The following EIF2AK4 variants were observed in gnomAD, a reference collection of about 807,000 sequenced individuals.
EIF2AK4 encodes eIF-2-alpha kinase GCN2.
Under a neutral mutation model 211.1 loss-of-function variants are expected in EIF2AK4, and 139 were observed. The ratio of observed to expected loss-of-function variants is 0.66; its 90% CI spans 0.57 to 0.76. The LOEUF (loss-of-function observed/expected upper bound fraction) is 0.76. EIF2AK4 is among the 30% of genes least tolerant of loss of function. The pLI is 0.00. For missense variants in EIF2AK4, 1,664 were observed against 2,043.8 expected (o/e 0.81, Z 3.58); for synonymous variants, 710 against 751.3 (o/e 0.94, Z 0.90).
rs1455570578 is a variant in EIF2AK4, at chr15:39,934,182, G to A, written c.-14G>A. 1 of 1,505,828 alleles carries A rather than the reference G, an allele frequency of 6.6e-7. No individual in the cohort carries two copies. The highest frequency in any genetic ancestry group is 1.2e-5 in the South Asian group (1 of 80,732). 93.3% of individuals were successfully genotyped at this position (1,505,828 alleles called of 1,614,324 possible). ...GCCCAGGCAAGGCCGCCCTGCCTTGGGCGCAGCGCTGCCATGGCTGGGGGC... is the reference window on the plus strand; with the variant it reads ...GCCCAGGCAAGGCCGCCCTGCCTTGAGCGCAGCGCTGCCATGGCTGGGGGC... On this transcript the variant is annotated 5_prime_UTR_variant, in exon 1 of 39. Coordinates refer to ENST00000263791, the MANE Select transcript of EIF2AK4 (RefSeq NM_001013703.4).
At chr15:40,006,669 T>TA (rs2035165727) in intron 23 of EIF2AK4, among the ~76,000 whole-genome samples, 2 of 152,078 alleles carry the variant, frequency 1.3e-5, no homozygotes, top group East Asian at 3.9e-4. Flanking sequence ...GACATTTTTT[T>TA]TAAATTCATA....
intron 15 of EIF2AK4, among the ~76,000 whole-genome samples, chr15:39,989,161 T>C (rs2034908577): frequency 6.6e-6 from 1 of 152,216 alleles, no homozygotes; most frequent in Non-Finnish European, 1.5e-5. Flanking sequence ...GCTTGTCGCA[T>C]GTCTAAAATG....
chr15:40,026,381 CAGG>C (rs1485316913), intron 33 of EIF2AK4, among the ~76,000 whole-genome samples: 1 of 152,102 alleles, frequency 6.6e-6, no homozygotes, highest in African/African-American at 2.4e-5. Context: ...TGCTTGAGCC[CAGG>C]AGGTCAAGGC....
chr15:40,016,962 G>T, intron 28 of EIF2AK4, 146 bp from the exon 29 acceptor site: 1 of 1,108,478 alleles, frequency 9.0e-7, no homozygotes. Flanking sequence ...TGGTTAAACA[G>T]ACTTTGAGCT....
intron 7 of EIF2AK4, among the ~76,000 whole-genome samples, chr15:39,964,847 G>A (rs1442608648): frequency 6.6e-6 from 1 of 152,096 alleles, no homozygotes; most frequent in Admixed American, 6.6e-5. Flanking sequence ...GTCATCTCTT[G>A]TTCTTTCCTT....
intron 9 of EIF2AK4, among the ~76,000 whole-genome samples, chr15:39,971,018 C>A (rs893418835): frequency 6.6e-6 from 1 of 152,148 alleles, no homozygotes; most frequent in African/African-American, 2.4e-5. Flanking sequence ...GAACTCACAA[C>A]GACAGTTGAT....
chr15:39,945,675 T>C (rs2034218029), intron 3 of EIF2AK4, among the ~76,000 whole-genome samples: 1 of 152,230 alleles, frequency 6.6e-6, no homozygotes, highest in African/African-American at 2.4e-5. Flanking sequence ...AGGTGCCATC[T>C]AGAATTTTCA....
chr15:39,970,548 C>T (rs2034609116), intron 9 of EIF2AK4, among the ~76,000 whole-genome samples: 1 of 152,054 alleles, frequency 6.6e-6, no homozygotes, highest in African/African-American at 2.4e-5. Context: ...TCTTTAAGTA[C>T]TGGCTTAGAA....
intron 6 of EIF2AK4, among the ~76,000 whole-genome samples, chr15:39,956,696 G>A (rs1009678184): frequency 1.3e-5 from 2 of 152,170 alleles, no homozygotes; most frequent in African/African-American, 4.8e-5. Flanking sequence ...AGGAATTTTG[G>A]TGAAGAAACC....
chr15:39,997,576 G>A lies in EIF2AK4; in HGVS notation c.2868+511G>A, dbSNP rs149413768. On this transcript the variant is annotated intron_variant, in intron 19 of 38. Coordinates refer to ENST00000263791, the MANE Select transcript of EIF2AK4 (RefSeq NM_001013703.4). The stretch of plus-strand genomic sequence containing the variant: ...AAGGGAGTAGATTGTAAAGAAATGG[G>A]TATTTAGTTCTAGAAGTTAAAGATG... Among the ~76,000 whole-genome samples, 42 of 152,326 alleles carry A rather than the reference G, an allele frequency of 2.8e-4. 2 individuals are homozygous for A. The highest frequency in any genetic ancestry group is 8.2e-4 in the African/African-American group (34 of 41,572).
In EIF2AK4 at chr15:39,976,394, T is replaced by C; in HGVS notation, c.1819-20T>C. On this transcript the variant is annotated intron_variant, in intron 11 of 38. Coordinates refer to ENST00000263791, the MANE Select transcript of EIF2AK4 (RefSeq NM_001013703.4). ...TGTGCAAGGCTCCGAGCGGCTGACC[T>C]TCCCCTGGCTGTGCCGCAGGTGCAG... The C allele has an allele frequency of 6.4e-7, 1 of 1,568,918 alleles. No individual in the cohort carries two copies. Among genetic ancestry groups the C allele is most frequent in the Non-Finnish European group, 8.6e-7 (1 of 1,158,112 alleles).
intron 24 of EIF2AK4, 104 bp from the exon 25 acceptor site, chr15:40,007,923 T>C (rs1431157307): frequency 3.3e-6 from 3 of 902,302 alleles, no homozygotes; most frequent in Non-Finnish European, 4.8e-6. Flanking sequence ...ATACCACCGA[T>C]TAATTTTTTT....
At chr15:40,027,691 T>C (rs2035482408) in intron 33 of EIF2AK4, among the ~76,000 whole-genome samples, 1 of 151,886 alleles carries the variant, frequency 6.6e-6, no homozygotes. Context: ...GAGATCGAGA[T>C]CATCCTGGCT....
At chr15:40,023,784 A>T (rs1471136173) in intron 32 of EIF2AK4, among the ~76,000 whole-genome samples, 1 of 150,864 alleles carries the variant, frequency 6.6e-6, no homozygotes, top group African/African-American at 2.4e-5. Context: ...ATTCATCTCC[A>T]CTCTTATCCA....
intron 29 of EIF2AK4, 90 bp from the exon 30 acceptor site, chr15:40,019,003 G>T: frequency 1.1e-6 from 1 of 932,950 alleles, no homozygotes; most frequent in Middle Eastern, 2.5e-4. Flanking sequence ...ATGAGCTGCT[G>T]ACAGAGTGCT....
intron 13 of EIF2AK4, among the ~76,000 whole-genome samples, chr15:39,978,951 A>T (rs971711946): frequency 2.0e-5 from 3 of 152,232 alleles, no homozygotes. Context: ...CACAGAAAAG[A>T]TCCAAGTTTC....
intron 4 of EIF2AK4, chr15:39,951,566 TCACCAGATG>T: frequency 3.0e-6 from 1 of 329,548 alleles, no homozygotes; most frequent in Non-Finnish European, 5.9e-6. Context: ...GCAATTTCTC[TCACCAGATG>T]CTGGAGGGGA....
chr15:40,011,426 A>G, intron 27 of EIF2AK4, 80 bp downstream of exon 27: 2 of 1,292,696 alleles, frequency 1.5e-6, no homozygotes, highest in Non-Finnish European at 2.2e-6. Flanking sequence ...TTCTCGTTGC[A>G]GTAGGGTAGC....
At chr15:39,955,557 G>T in intron 5 of EIF2AK4, 63 bp from the exon 6 acceptor site, 1 of 1,506,946 alleles carries the variant, frequency 6.6e-7, no homozygotes, top group Non-Finnish European at 8.9e-7. Flanking sequence ...TAATAATTAT[G>T]TACCATGATT....
Sources: gnomAD v4.1 joint callset for allele counts (sites outside exome capture counted in the v4.1 genomes callset) on GRCh38, gnomAD v4.1.1 for gene constraint, MANE v1.5 for transcripts, NCBI Gene and HGNC (gene_info 2026-07-23, HGNC 2026-07-21) for gene names.